The following SPPL2A variants were observed in gnomAD, a reference collection of about 807,000 sequenced individuals.
SPPL2A encodes the protein signal peptide peptidase-like 2A.
A neutral mutation model predicts 63.8 loss-of-function variants in SPPL2A; 51 were observed. The observed-to-expected ratio is 0.80, with a 90% confidence interval of 0.64 to 1.01. SPPL2A has a LOEUF of 1.01. Ranked by LOEUF, SPPL2A falls within the 50% of genes least tolerant of loss-of-function variation. The pLI is 0.00. For synonymous variants in SPPL2A, 188 were observed against 205.8 expected, an observed-to-expected ratio of 0.91 and a Z score of 0.74; for missense variants, 553 against 622.7, an observed-to-expected ratio of 0.89 and a Z score of 1.19.
intron 5 of SPPL2A, 27 bp downstream of exon 5, chr15:50,747,467 CA>C: frequency 3.2e-6 from 5 of 1,573,224 alleles, no homozygotes; most frequent in Non-Finnish European, 4.3e-6. Flanking sequence ...CCATTTATTA[CA>C]AAAACGCTTA....
At chr15:50,711,814 C>T (rs1385180959) in intron 14 of SPPL2A, among the ~76,000 whole-genome samples, 1 of 152,114 alleles carries the variant, frequency 6.6e-6, no homozygotes, top group Non-Finnish European at 1.5e-5. Context: ...TTTGCCTTAG[C>T]CTTAGATTGT....
chr15:50,750,410 T>C (rs1232637015), intron 1 of SPPL2A, among the ~76,000 whole-genome samples: 1 of 152,152 alleles, frequency 6.6e-6, no homozygotes, highest in Non-Finnish European at 1.5e-5. Context: ...CAACATGTAC[T>C]CAAAATCCAT....
At chr15:50,715,647 T>C (rs957540953) in intron 14 of SPPL2A, among the ~76,000 whole-genome samples, 6 of 152,194 alleles carry the variant, frequency 3.9e-5, no homozygotes, top group African/African-American at 1.4e-4. Context: ...CTCCCATTTT[T>C]ACTTTAGACA....
intron 1 of SPPL2A, among the ~76,000 whole-genome samples, chr15:50,750,324 G>C (rs912795966): frequency 7.0e-4 from 106 of 152,008 alleles, no homozygotes; most frequent in African/African-American, 2.4e-3. Context: ...GGCTGGTCTC[G>C]AATTCCTGAC....
chr15:50,702,303 T>C lies in SPPL2A; in HGVS notation c.*5497A>G, dbSNP rs1480528343. ...ATAGAATTTATTGAATACCATAGTA[T>C]ATTAAATACATAAAAAATTGTTTTT... On this transcript the variant is annotated 3_prime_UTR_variant, in exon 15 of 15. Coordinates refer to ENST00000261854, the MANE Select transcript of SPPL2A (RefSeq NM_032802.4). 2 of 152,346 alleles carry C rather than the reference T, an allele frequency of 1.3e-5. No individual in the cohort carries two copies. The highest frequency in any genetic ancestry group is 1.9e-4 in the East Asian group (1 of 5,188). 9.4% of individuals were successfully genotyped at this position (152,346 alleles called of 1,614,324 possible).
chr15:50,713,364 A>T lies in SPPL2A; in HGVS notation c.1489-5490T>A, dbSNP rs189575208. On this transcript the variant is annotated intron_variant, in intron 14 of 14. Transcript: ENST00000261854. Reference sequence around the variant, plus strand: ...ACTGCAAGCTCCGCCTCCCAGGTTCAAGCAATTCTCCTGTCTCAGCCTTCC... The same window carrying T: ...ACTGCAAGCTCCGCCTCCCAGGTTCTAGCAATTCTCCTGTCTCAGCCTTCC... 3.3e-5 allele frequency among the ~76,000 whole-genome samples: 5 copies of T among 151,256 alleles called. No homozygotes were observed. In the East Asian group the frequency reaches 9.8e-4, roughly 29 times the overall value.
intron 14 of SPPL2A, among the ~76,000 whole-genome samples, chr15:50,708,702 CAA>C (rs201244377): frequency 1.1e-4 from 14 of 128,776 alleles, no homozygotes; most frequent in Non-Finnish European, 1.0e-4. Context: ...GAGACTCTGT[CAA>C]AAAAAAAAAA....
chr15:50,755,269 G>C (rs139255357), intron 1 of SPPL2A, among the ~76,000 whole-genome samples: 2,572 of 151,124 alleles, frequency 0.017, 30 homozygotes, highest in African/African-American at 0.031. Flanking sequence ...AGTGAGCCAA[G>C]ATCGCACCAC....
chr15:50,719,613 TAAGTA>T (rs1421203766), intron 14 of SPPL2A, among the ~76,000 whole-genome samples: 2 of 152,204 alleles, frequency 1.3e-5, no homozygotes, highest in African/African-American at 4.8e-5. Context: ...GTCTCAAAAT[TAAGTA>T]CTTATTTTAA....
intron 1 of SPPL2A, among the ~76,000 whole-genome samples, chr15:50,760,554 T>C (rs1402422910): frequency 1.3e-5 from 2 of 152,280 alleles, no homozygotes; most frequent in East Asian, 3.9e-4. Context: ...CCACCACACC[T>C]GGCCTGATGT....
chr15:50,728,781 TA>T (rs2062707914), intron 10 of SPPL2A, among the ~76,000 whole-genome samples: 1 of 151,546 alleles, frequency 6.6e-6, no homozygotes, highest in South Asian at 2.1e-4. Flanking sequence ...TAGCTGGGAC[TA>T]CAGGCGTGCA....
chr15:50,719,021 C>T (rs2062622693), intron 14 of SPPL2A, among the ~76,000 whole-genome samples: 1 of 152,018 alleles, frequency 6.6e-6, no homozygotes, highest in South Asian at 2.1e-4. Flanking sequence ...GGTTTCCCAA[C>T]TCTTCTTAAT....
intron 10 of SPPL2A, among the ~76,000 whole-genome samples, chr15:50,728,976 GC>G (rs1470229937): frequency 4.6e-5 from 7 of 151,940 alleles, no homozygotes; most frequent in Non-Finnish European, 5.9e-5. Flanking sequence ...ACTGTGCCTG[GC>G]AAATTTTTGT....
At position 50,718,241 on chromosome 15, in the gene SPPL2A, T is replaced by C. The variant is rs113633053; in HGVS notation, c.1488+1699A>G. ...ATCCTCCCGCCTCAGCCTCCCAAAG[T>C]GCTGGGATTACAGGCATGAGCCACC... On this transcript the variant is annotated intron_variant, in intron 14 of 14. Transcript: ENST00000261854. Among the ~76,000 whole-genome samples, 1,069 of 152,136 alleles carry C rather than the reference T, an allele frequency of 7.0e-3. 21 individuals carry two copies. The highest frequency in any genetic ancestry group is 0.025 in the African/African-American group (1,019 of 41,506).
At chr15:50,759,073 A>G (rs988743782) in intron 1 of SPPL2A, among the ~76,000 whole-genome samples, 6 of 151,880 alleles carry the variant, frequency 4.0e-5, no homozygotes, top group African/African-American at 1.2e-4. Context: ...GCTAATTTAT[A>G]AAGTTTTTTT....
At position 50,752,166 on chromosome 15, in the gene SPPL2A, C is replaced by G. The variant is rs868724867; in HGVS notation, c.67-2420G>C. Reference sequence around the variant, plus strand: ...TTTTAAAAGAGCTTTACTCTCTCCCCTACCATCTTTTAGTATCAGTAGAGA... The same window carrying G: ...TTTTAAAAGAGCTTTACTCTCTCCCGTACCATCTTTTAGTATCAGTAGAGA... On this transcript the variant is annotated intron_variant, in intron 1 of 14. Transcript: ENST00000261854. Among the ~76,000 whole-genome samples, 22 of 152,234 alleles carry G rather than the reference C, an allele frequency of 1.4e-4. No individual in the cohort carries two copies. In the South Asian group the frequency reaches 3.1e-3, roughly 21 times the overall value.
At chr15:50,737,581 G>C (rs2062781384) in intron 6 of SPPL2A, among the ~76,000 whole-genome samples, 1 of 151,948 alleles carries the variant, frequency 6.6e-6, no homozygotes, top group Non-Finnish European at 1.5e-5. Flanking sequence ...GCCCCTTGAG[G>C]AGCTGGAACT....
rs148339660 is a variant in SPPL2A at position 50,761,477 on chromosome 15, G to A, written c.66+3991C>T. Among the ~76,000 whole-genome samples the A allele has an allele frequency of 2.2e-3, 332 of 152,220 alleles. 1 individual carries two copies. The highest frequency in any genetic ancestry group is 0.017 in the Middle Eastern group (5 of 292). On this transcript the variant is annotated intron_variant, in intron 1 of 14. Transcript: ENST00000261854. ...ACTAAAAATACAAAATTAGCTGGGC[G>A]TGGTGGTGCATGCTTGTAATCCCAG...
intron 5 of SPPL2A, among the ~76,000 whole-genome samples, chr15:50,744,255 T>C (rs960287541): frequency 6.6e-6 from 1 of 151,902 alleles, no homozygotes; most frequent in Non-Finnish European, 1.5e-5. Flanking sequence ...GTGACTGATA[T>C]ATGTTGAAAC....
Sources: allele counts gnomAD v4.1 joint callset (sites outside exome capture counted in the v4.1 genomes callset), GRCh38; gene constraint gnomAD v4.1.1; transcripts MANE v1.5; gene names NCBI Gene and HGNC (gene_info 2026-07-23, HGNC 2026-07-21).